MTNAP1: variants seen among roughly 807,000 people sequenced by gnomAD.
The protein encoded by MTNAP1 is mitochondrial nucleoid associated protein 1.
chr17:73,233,765 C>T, the MTNAP1 span, among the ~76,000 whole-genome samples: 11 of 151,950 alleles, frequency 7.2e-5, no homozygotes, highest in Non-Finnish European at 1.0e-4. Context: ...CCCAGCCACG[C>T]GGGAGGCTGA....
At chr17:73,235,676 C>T in the MTNAP1 span, 1 of 1,614,078 alleles carries the variant, frequency 6.2e-7, no homozygotes, top group Non-Finnish European at 8.5e-7. Flanking sequence ...TTAATTAAAG[C>T]TAAAGGGAAA....
chr17:73,247,397 C>T, the MTNAP1 span: 1 of 1,569,002 alleles, frequency 6.4e-7, no homozygotes, highest in Non-Finnish European at 8.8e-7. Flanking sequence ...CCTTCGTGCC[C>T]TGTGTTGCCC....
chr17:73,233,348 A>G, the MTNAP1 span: 1 of 152,378 alleles, frequency 6.6e-6, no homozygotes, highest in East Asian at 1.9e-4. Flanking sequence ...ACACCCACGT[A>G]TAGACGTTAT....
the MTNAP1 span, among the ~76,000 whole-genome samples, chr17:73,238,785 A>G: frequency 6.6e-6 from 1 of 152,222 alleles, no homozygotes; most frequent in African/African-American, 2.4e-5. Context: ...GATTTGTCCA[A>G]GTTTGTGTTG....
the MTNAP1 span, among the ~76,000 whole-genome samples, chr17:73,243,486 A>G: frequency 6.6e-6 from 1 of 151,274 alleles, no homozygotes; most frequent in Non-Finnish European, 1.5e-5. Flanking sequence ...CTTGGTTGTA[A>G]TGGCCTGTAT....
the MTNAP1 span, chr17:73,243,077 A>ATTTTTTT: frequency 4.6e-6 from 2 of 438,582 alleles, no homozygotes; most frequent in Non-Finnish European, 3.7e-6. Flanking sequence ...GATTCTCTGA[A>ATTTTTTT]TTTTTTTTTT....
the MTNAP1 span, among the ~76,000 whole-genome samples, chr17:73,240,330 T>A: frequency 6.6e-6 from 1 of 152,196 alleles, no homozygotes; most frequent in Admixed American, 6.5e-5. Flanking sequence ...CTACTTCTAT[T>A]ATAAACTGAA....
chr17:73,247,289 T>C, the MTNAP1 span: 3 of 1,614,110 alleles, frequency 1.9e-6, no homozygotes, highest in Admixed American at 1.7e-5. Flanking sequence ...CCTCCATGCA[T>C]TGGTGTGGCG....
At chr17:73,241,017 C>G in the MTNAP1 span, among the ~76,000 whole-genome samples, 1 of 152,212 alleles carries the variant, frequency 6.6e-6, no homozygotes, top group Admixed American at 6.5e-5. Context: ...ACCACACTTG[C>G]TAAACCTGTT....
the MTNAP1 span, chr17:73,248,641 C>T: frequency 1.7e-6 from 2 of 1,177,268 alleles, no homozygotes; most frequent in Non-Finnish European, 2.5e-6. Context: ...GGCTACTGTC[C>T]ATGCTTGAGA....
chr17:73,247,146 A>G, the MTNAP1 span: 480 of 1,073,766 alleles, frequency 4.5e-4, 4 homozygotes, highest in South Asian at 5.6e-3. Context: ...GGTGGCATCC[A>G]TGGCTGTTTC....
At chr17:73,243,095 T>TTTTTTTTTG in the MTNAP1 span, 3 of 936,784 alleles carry the variant, frequency 3.2e-6, no homozygotes, top group Admixed American at 2.3e-5. Context: ...TTTTTTTTTT[T>TTTTTTTTTG]TTTTTTACAG....
At chr17:73,234,319 A>AT in the MTNAP1 span, among the ~76,000 whole-genome samples, 546 of 108,760 alleles carry the variant, frequency 5.0e-3, 1 homozygote, top group African/African-American at 0.017. Flanking sequence ...CATGGTATAA[A>AT]TGTTTTTTTT....
At chr17:73,241,541 A>G in the MTNAP1 span, among the ~76,000 whole-genome samples, 3 of 152,222 alleles carry the variant, frequency 2.0e-5, no homozygotes, top group Non-Finnish European at 4.4e-5. Context: ...AATAATAGCG[A>G]TAGGGTGATA....
At chr17:73,235,465 A>C in the MTNAP1 span, 832,223 of 1,577,886 alleles carry the variant, frequency 0.53, 220,931 homozygotes, top group East Asian at 0.64. Flanking sequence ...TCTCACATTT[A>C]CCTTTTTCAG....
chr17:73,242,163 C>T, the MTNAP1 span: 11 of 868,662 alleles, frequency 1.3e-5, no homozygotes, highest in African/African-American at 1.4e-4. Context: ...GAGGCTTAGC[C>T]GTGGATCCTT....
chr17:73,237,435 CA>C, the MTNAP1 span, among the ~76,000 whole-genome samples: 71,638 of 148,508 alleles, frequency 0.48, 17,237 homozygotes, highest in African/African-American at 0.53. Flanking sequence ...GACCCTGTCT[CA>C]AAAAAAAAAA....
chr17:73,240,136 G>A, the MTNAP1 span, among the ~76,000 whole-genome samples: 4 of 152,248 alleles, frequency 2.6e-5, no homozygotes, highest in African/African-American at 9.6e-5. Flanking sequence ...AAATTACCAA[G>A]GTTATGAGAC....
chr17:73,241,161 C>T, the MTNAP1 span, among the ~76,000 whole-genome samples: 1 of 151,914 alleles, frequency 6.6e-6, no homozygotes, highest in South Asian at 2.1e-4. Context: ...CATAAGCCCT[C>T]TTTTTTTTGT....
Sources: gnomAD v4.1 joint callset for allele counts (sites outside exome capture counted in the v4.1 genomes callset) on GRCh38, gnomAD v4.1.1 for gene constraint, MANE v1.5 for transcripts, NCBI Gene and HGNC (gene_info 2026-07-23, HGNC 2026-07-21) for gene names.